The following ZNF536 variants were observed in gnomAD, a reference collection of about 807,000 sequenced individuals.
The protein encoded by ZNF536 is zinc finger protein 536.
A neutral mutation model predicts 84.5 loss-of-function variants in ZNF536; 13 were observed. The observed-to-expected ratio is 0.15, with a 90% CI of 0.10 to 0.24. The LOEUF is 0.24. ZNF536 is among the 10% of genes least tolerant of loss of function. ZNF536 has a pLI of 1.00. For synonymous variants in ZNF536, 811 were observed against 742.5 expected, an observed-to-expected ratio of 1.09 and a Z score of -1.50; for missense variants, 1,536 against 1,747.5, an observed-to-expected ratio of 0.88 and a Z score of 2.16.
chr19:30,402,138 T>C (rs538274020), intron 1 of ZNF536, among the ~76,000 whole-genome samples: 2 of 152,328 alleles, frequency 1.3e-5, no homozygotes, highest in East Asian at 1.9e-4. Flanking sequence ...TAATTTTTCA[T>C]GTATGCATAC....
rs1320905912 is a variant in ZNF536 at position 30,595,763 on chromosome 19, G to A, written c.169+46249G>A. Among the ~76,000 whole-genome samples the A allele has an allele frequency of 5.9e-5, 9 of 152,324 alleles. No individual in the cohort carries two copies. The East Asian group carries it at 7.7e-4, about 13-fold the overall frequency. ...ATAGTTCTAGTTGGGTGGGCCCAGG[G>A]CCTTTCCCTGACTTCCTGGAGTGTG... On this transcript the variant is annotated intron_variant, in intron 1 of 1. Transcript: ENST00000592773.
At chr19:30,560,644 A>G (rs189208110), downstream of ZNF536, among the ~76,000 whole-genome samples, 121 of 152,318 alleles carry the variant, frequency 7.9e-4, no homozygotes, top group Non-Finnish European at 1.1e-3. Context: ...TTAAGATGAG[A>G]GAGGCCAAGG....
At chr19:30,432,006 T>TATATATATATATATATATACAC (rs149223384) in intron 1 of ZNF536, among the ~76,000 whole-genome samples, 49 of 146,056 alleles carry the variant, frequency 3.4e-4, no homozygotes, top group African/African-American at 1.1e-3. Flanking sequence ...TATATATATA[T>TATATATATATATATATATACAC]ACACACACAC....
intron 1 of ZNF536, among the ~76,000 whole-genome samples, chr19:30,659,286 G>A (rs143818935): frequency 1.3e-5 from 2 of 151,776 alleles, no homozygotes; most frequent in Non-Finnish European, 2.9e-5. Flanking sequence ...TTCTTACATG[G>A]CCAGGGCAGG....
chr19:30,674,477 G>A (rs1447637160), intron 1 of ZNF536, among the ~76,000 whole-genome samples: 2 of 152,218 alleles, frequency 1.3e-5, no homozygotes, highest in Non-Finnish European at 2.9e-5. Context: ...AAGAAATCAG[G>A]GCATCCAGGT....
intron 2 of ZNF536, among the ~76,000 whole-genome samples, chr19:30,465,218 G>A (rs2053331713): frequency 6.6e-6 from 1 of 152,106 alleles, no homozygotes; most frequent in African/African-American, 2.4e-5. Context: ...AGTGGCCTCA[G>A]CATTGCCTGC....
chr19:30,415,389 C>G (rs1365558036), intron 1 of ZNF536, among the ~76,000 whole-genome samples: 2 of 149,288 alleles, frequency 1.3e-5, no homozygotes, highest in Non-Finnish European at 3.0e-5. Flanking sequence ...TCTCCTTCTT[C>G]TTCTCCTCCT....
At position 30,467,245 on chromosome 19, in the gene ZNF536, C is replaced by G. The variant is rs570458707; in HGVS notation, c.2170+21513C>G. On this transcript the variant is annotated intron_variant, in intron 2 of 4. Coordinates refer to ENST00000355537, the MANE Select transcript of ZNF536 (RefSeq NM_014717.3). ...CCCTTCTCCTCTGGCAAAACTGACA[C>G]TCTGTACCCATTCACCACAACTCCC... Among the ~76,000 whole-genome samples the G allele has an allele frequency of 2.0e-5, 3 of 152,294 alleles. No individual in the cohort carries two copies. In the South Asian group the frequency reaches 6.2e-4, roughly 32 times the overall value.
intron 1 of ZNF536, among the ~76,000 whole-genome samples, chr19:30,421,536 A>G (rs986908202): frequency 4.6e-5 from 7 of 152,016 alleles, no homozygotes; most frequent in Admixed American, 3.9e-4. Flanking sequence ...TAATTTTTAA[A>G]TTTTTTGTAG....
At chr19:30,392,440 G>A (rs1271636015) in intron 1 of ZNF536, among the ~76,000 whole-genome samples, 2 of 152,192 alleles carry the variant, frequency 1.3e-5, no homozygotes, top group African/African-American at 4.8e-5. Context: ...AGGGTTGGAA[G>A]GGCTGGGATG....
intron 1 of ZNF536, among the ~76,000 whole-genome samples, chr19:30,260,047 GA>G (rs2025127029): frequency 6.6e-6 from 1 of 151,636 alleles, no homozygotes. Context: ...TTACAGGCGT[GA>G]GCCACCATGC....
intron 2 of ZNF536, among the ~76,000 whole-genome samples, chr19:30,457,738 C>T (rs1458025771): frequency 2.6e-5 from 4 of 152,190 alleles, no homozygotes; most frequent in African/African-American, 7.2e-5. Context: ...GCAGCTGGAG[C>T]GTGCAGAGAA....
chr19:30,319,938 A>G (rs983547390), intron 2 of ZNF536, among the ~76,000 whole-genome samples: 5 of 152,220 alleles, frequency 3.3e-5, no homozygotes, highest in Admixed American at 1.3e-4. Context: ...AAAAAAATGG[A>G]GATAGCTTTG....
chr19:30,448,243 C>T (rs532143742), intron 2 of ZNF536, among the ~76,000 whole-genome samples: 5 of 152,316 alleles, frequency 3.3e-5, no homozygotes, highest in Admixed American at 3.3e-4. Context: ...TACCAATATA[C>T]AACCCGAATC....
chr19:30,279,130 C>T (rs556088047), intron 1 of ZNF536, among the ~76,000 whole-genome samples: 10 of 152,338 alleles, frequency 6.6e-5, no homozygotes, highest in Admixed American at 3.3e-4. Flanking sequence ...TACTTTATTC[C>T]GGTCCCTTGC....
intron 3 of ZNF536, among the ~76,000 whole-genome samples, chr19:30,357,797 G>T (rs559308720): frequency 5.3e-5 from 8 of 152,110 alleles, no homozygotes; most frequent in Non-Finnish European, 7.4e-5. Context: ...CTTCTGGAAG[G>T]TATCACAGGC....
chr19:30,580,193 T>G (rs2046871173), intron 1 of ZNF536, among the ~76,000 whole-genome samples: 1 of 152,186 alleles, frequency 6.6e-6, no homozygotes, highest in African/African-American at 2.4e-5. Context: ...TGGCCAACAT[T>G]GGGTCCAGGC....
At chr19:30,592,783 G>A (rs969421081) in intron 1 of ZNF536, among the ~76,000 whole-genome samples, 92 of 152,192 alleles carry the variant, frequency 6.0e-4, no homozygotes, top group African/African-American at 2.2e-3. Flanking sequence ...AAATGATCGG[G>A]TGATGGACAT....
At chr19:30,561,761 C>G (rs1340859898), downstream of ZNF536, among the ~76,000 whole-genome samples, 4 of 151,686 alleles carry the variant, frequency 2.6e-5, no homozygotes, top group African/African-American at 9.7e-5. Flanking sequence ...GAGGGTCCCT[C>G]CAGCCCACCT....
Sources: gnomAD v4.1 joint callset for allele counts (sites outside exome capture counted in the v4.1 genomes callset) on GRCh38, gnomAD v4.1.1 for gene constraint, MANE v1.5 for transcripts, NCBI Gene and HGNC (gene_info 2026-07-23, HGNC 2026-07-21) for gene names.